The following TNKS2 variants were observed in gnomAD, a reference collection of about 807,000 sequenced individuals.
TNKS2 encodes poly [ADP-ribose] polymerase tankyrase-2.
A neutral mutation model predicts 137.6 loss-of-function variants in TNKS2; 72 were observed. The observed-to-expected ratio is 0.52, with a 90% confidence interval of 0.43 to 0.64. The LOEUF (loss-of-function observed/expected upper bound fraction) is 0.64. Among genes scored for constraint, TNKS2 ranks in the 30% least tolerant of loss-of-function variants. The probability of loss-of-function intolerance (pLI) is 0.00; values close to 1 mark genes in which losing one functional copy is unlikely to be tolerated. For missense variants in TNKS2, 1,049 were observed against 1,410.2 expected, an observed-to-expected ratio of 0.74 and a Z score of 4.10; for synonymous variants, 516 against 512.1, an observed-to-expected ratio of 1.01 and a Z score of -0.10.
intron 25 of TNKS2, among the ~76,000 whole-genome samples, chr10:91,860,968 C>T (rs1184429417): frequency 6.6e-6 from 1 of 152,158 alleles, no homozygotes; most frequent in East Asian, 1.9e-4. Flanking sequence ...TAATACCTCC[C>T]TCTTCTTTGG....
rs773509504 is a variant in TNKS2 at position 91,798,787 on chromosome 10, C to T, written c.97C>T (p.Arg33Cys). ...PAARELFEAC[R>C]NGDVERVKRL... ...CGCCCGAGAGCTGTTCGAGGCGTGC[C>T]GCAACGGGGACGTGGAACGAGTCAA... The change falls in exon 1 of 27, where the codon CGC becomes TGC. Residue 33 changes from arginine (R) to cysteine (C), a missense_variant. Physicochemically the swap from Arg to Cys is radical, Grantham distance 180. Around this residue, in one of 6 missense-constraint regions of TNKS2, gnomAD observed 374 missense variants for 460.8 expected, o/e 0.81. Coordinates refer to ENST00000371627, the MANE Select transcript of TNKS2 (RefSeq NM_025235.4). 2 of 1,298,448 alleles carry T rather than the reference C, an allele frequency of 1.5e-6. No homozygotes were observed. The highest frequency in any genetic ancestry group is 3.9e-5 in the Admixed American group (1 of 25,856). 80.4% of individuals were successfully genotyped at this position (1,298,448 alleles called of 1,614,324 possible).
In TNKS2 at chr10:91,813,094, C is replaced by G. The variant is rs1023704581; in HGVS notation, c.311C>G (p.Ala104Gly). Residue 104 changes from alanine to glycine, a missense_variant, in exon 2 of 27, where the codon GCT (alanine) becomes GGT (glycine). By Grantham distance (60) the Ala-to-Gly change is moderately conservative. Coordinates refer to ENST00000371627, the MANE Select transcript of TNKS2 (RefSeq NM_025235.4). ...CATAATGCATGCTCTTTTGGTCATG[C>G]TGAAGTAGTCAATCTCCTTTTGCGA... ...PLHNACSFGH[A>G]EVVNLLLRHG... 6.2e-7 allele frequency: 1 copy of G among 1,613,994 alleles called. No individual in the cohort carries two copies. The highest frequency in any genetic ancestry group is 8.5e-7 in the Non-Finnish European group (1 of 1,180,022).
At chr10:91,860,963 C>A (rs935850579) in intron 25 of TNKS2, among the ~76,000 whole-genome samples, 1 of 152,130 alleles carries the variant, frequency 6.6e-6, no homozygotes, top group African/African-American at 2.4e-5. Flanking sequence ...CATTCTAATA[C>A]CTCCCTCTTC....
At chr10:91,827,686 A>G (rs896121404) in intron 8 of TNKS2, among the ~76,000 whole-genome samples, 2 of 152,240 alleles carry the variant, frequency 1.3e-5, no homozygotes, top group Admixed American at 6.5e-5. Flanking sequence ...TGGATATGGT[A>G]TTAGTGCATA....
chr10:91,861,944 C>T (rs1842864415), intron 25 of TNKS2, 55 bp from the exon 26 acceptor site: 23 of 1,502,150 alleles, frequency 1.5e-5, no homozygotes, highest in East Asian at 7.2e-5. Flanking sequence ...CACACATTGT[C>T]ATATTTATGT....
At chr10:91,807,416 C>T (rs1844359944) in intron 1 of TNKS2, 4 of 1,614,022 alleles carry the variant, frequency 2.5e-6, no homozygotes, top group Non-Finnish European at 8.5e-7. Flanking sequence ...GGCTGAACTC[C>T]TCCCAGGTCT....
intron 1 of TNKS2, among the ~76,000 whole-genome samples, chr10:91,800,470 T>C (rs1037235839): frequency 1.3e-5 from 2 of 152,206 alleles, no homozygotes; most frequent in Non-Finnish European, 2.9e-5. Context: ...AAAATAGTAA[T>C]ATTTAGAGGT....
chr10:91,861,665 A>C (rs1200678364), intron 25 of TNKS2, among the ~76,000 whole-genome samples: 1 of 152,200 alleles, frequency 6.6e-6, no homozygotes, highest in Non-Finnish European at 1.5e-5. Context: ...CAAGCCACTT[A>C]ATGGAAGTCC....
intron 2 of TNKS2, 150 bp from the exon 3 acceptor site, chr10:91,816,984 T>TA (rs1288462537): frequency 1.1e-5 from 6 of 564,128 alleles, no homozygotes; most frequent in Non-Finnish European, 1.9e-5. Context: ...TTTTTATATT[T>TA]AAAATGTAAC....
intron 11 of TNKS2, 141 bp from the exon 12 acceptor site, chr10:91,833,712 C>A: frequency 1.6e-6 from 1 of 624,532 alleles, no homozygotes; most frequent in Non-Finnish European, 2.4e-6. Flanking sequence ...TAGATTTGAG[C>A]AAAAATACTT....
intron 19 of TNKS2, among the ~76,000 whole-genome samples, chr10:91,849,309 G>T (rs897260357): frequency 6.6e-6 from 1 of 152,190 alleles, no homozygotes; most frequent in African/African-American, 2.4e-5. Flanking sequence ...AAATAAAAAT[G>T]AGAGTACTGA....
chr10:91,819,521 A>G lies in TNKS2; in HGVS notation c.597A>G (p.Pro199=), dbSNP rs1844818791. Residue 199 remains proline (P), a synonymous_variant, in exon 5 of 27, where the codon CCA becomes CCG. Transcript: ENST00000371627. ...AAAAAATGATGGCTCTACTCACACC[A>G]TTAAATGTCAACTGCCACGCAAGTG... The part of the protein sequence containing the change: ...NEEKMMALLT[P]LNVNCHASDG... The G allele has an allele frequency of 1.3e-6, 2 of 1,596,104 alleles. No homozygotes were observed. Among genetic ancestry groups the G allele is most frequent in the East Asian group, 2.3e-5 (1 of 44,330 alleles).
At chr10:91,861,799 A>G (rs1386222764) in intron 25 of TNKS2, among the ~76,000 whole-genome samples, 200 bp from the exon 26 acceptor site, 1 of 152,152 alleles carries the variant, frequency 6.6e-6, no homozygotes, top group Non-Finnish European at 1.5e-5. Context: ...TAAAATAAGG[A>G]CTAACTAAAT....
chr10:91,823,766 C>T (rs1327183615), intron 7 of TNKS2, among the ~76,000 whole-genome samples: 1 of 152,212 alleles, frequency 6.6e-6, no homozygotes, highest in Non-Finnish European at 1.5e-5. Context: ...CTTTTCCCCA[C>T]TTTCAGCAGC....
chr10:91,864,316 C>T lies in TNKS2; in HGVS notation c.*1317C>T, dbSNP rs1335342103. ...AAATGCTGTCCCATAAAATGCCATT[C>T]CTATTTTCTAATATAAAACTCTTTT... On this transcript the variant is annotated 3_prime_UTR_variant, in exon 27 of 27. Transcript: ENST00000371627. The T allele has an allele frequency of 6.6e-6, 1 of 152,602 alleles. No individual in the cohort carries two copies. Among genetic ancestry groups the T allele is most frequent in the Non-Finnish European group, 1.5e-5 (1 of 68,030 alleles). The allele number at this position is 152,602 out of a possible 1,614,324, so 9.5% of individuals were successfully genotyped here.
intron 7 of TNKS2, among the ~76,000 whole-genome samples, chr10:91,825,340 C>A (rs143550380): frequency 2.0e-4 from 30 of 151,900 alleles, no homozygotes; most frequent in Non-Finnish European, 3.4e-4. Flanking sequence ...TAAGCTCAAG[C>A]GATCCACCCA....
chr10:91,813,131 C>A lies in TNKS2; in HGVS notation c.348C>A (p.Asp116Glu). 1 of 1,614,114 alleles carries A rather than the reference C, an allele frequency of 6.2e-7. No individual in the cohort carries two copies. The highest frequency in any genetic ancestry group is 8.5e-7 in the Non-Finnish European group (1 of 1,180,026). ...VVNLLLRHGADPNARDNWNYT... is the reference protein window; with the variant it reads ...VVNLLLRHGAEPNARDNWNYT... ...ATCTCCTTTTGCGACATGGTGCAGA[C>A]CCCAATGCTCGAGATAATTGGAATT... The change falls in exon 2 of 27, where the codon GAC becomes GAA. Residue 116 changes from aspartate (D) to glutamate (E), a missense_variant. Coordinates refer to ENST00000371627, the MANE Select transcript of TNKS2 (RefSeq NM_025235.4).
At chr10:91,849,068 C>T (rs1398194056) in intron 19 of TNKS2, among the ~76,000 whole-genome samples, 2 of 152,204 alleles carry the variant, frequency 1.3e-5, no homozygotes, top group Non-Finnish European at 2.9e-5. Flanking sequence ...AACTCCTGAC[C>T]TCAGGTGATC....
chr10:91,804,113 A>G (rs1844255320), intron 1 of TNKS2, among the ~76,000 whole-genome samples: 1 of 152,164 alleles, frequency 6.6e-6, no homozygotes, highest in Admixed American at 6.5e-5. Flanking sequence ...GATGGCATCT[A>G]GATAAGTAAT....
Sources: allele counts gnomAD v4.1 joint callset (sites outside exome capture counted in the v4.1 genomes callset), GRCh38; gene constraint gnomAD v4.1.1; regional missense constraint gnomAD v4.1.1; transcripts MANE v1.5; gene names NCBI Gene and HGNC (gene_info 2026-07-23, HGNC 2026-07-21).